Variants in LRFN1 observed in about 807,000 individuals in gnomAD.
The protein encoded by LRFN1 is leucine-rich repeat and fibronectin type III domain-containing protein 1.
In LRFN1, 20 loss-of-function variants were observed where a neutral mutation model predicts 31.8. That is an observed-to-expected ratio of 0.63 (90% confidence interval 0.44 to 0.91). LRFN1 has a LOEUF of 0.91. Among genes scored for constraint, LRFN1 ranks in the 40% least tolerant of loss-of-function variants. LRFN1 has a pLI of 0.00. For missense variants in LRFN1, 912 were observed against 1,129.8 expected (o/e 0.81, Z 2.76); for synonymous variants, 514 against 541.3 (o/e 0.95, Z 0.70).
intron 4 of LRFN1, among the ~76,000 whole-genome samples, chr19:39,311,470 A>T (rs191513913): frequency 2.4e-4 from 36 of 152,268 alleles, no homozygotes; most frequent in African/African-American, 8.7e-4. Flanking sequence ...GAGTCACAGA[A>T]GCTCAGAATT....
At chr19:39,320,742 C>G (rs2145041788) in intron 1 of LRFN1, 51 bp downstream of exon 1, 1 of 148,678 alleles carries the variant, frequency 6.7e-6, no homozygotes. Flanking sequence ...CACCCGCGCA[C>G]ACACCCGCGC....
At chr19:39,309,478 CAAAAAAAAAAAAAA>C (rs71169583) in intron 4 of LRFN1, among the ~76,000 whole-genome samples, 7 of 32,004 alleles carry the variant, frequency 2.2e-4, no homozygotes, top group Admixed American at 1.8e-3. Context: ...ACAAACAAAC[CAAAAAAAAAAAAAA>C]AAAAAAAAAA....
At position 39,314,058 on chromosome 19, in the gene LRFN1, G is replaced by T; in HGVS notation, c.1279C>A (p.Arg427=). The T allele has an allele frequency of 6.2e-7, 1 of 1,612,040 alleles. No individual in the cohort carries two copies. The part of the protein sequence containing the change: ...PGANDSAAER[R]LVAAELTSNS... ...GAGGTGAGCTCGGCTGCCACGAGCC[G>T]ACGCTCAGCCGCAGAATCGTTGGCA... Residue 427 remains arginine (R), a synonymous_variant, in exon 4 of 5, where the codon CGG becomes AGG. Transcript: ENST00000248668.
chr19:39,308,250 T>C lies in LRFN1; in HGVS notation c.1699A>G (p.Ser567Gly), dbSNP rs1294381517. Residue 567 changes from serine to glycine, a missense_variant, in exon 5 of 5, where the codon AGC becomes GGC. Coordinates refer to ENST00000248668, the MANE Select transcript of LRFN1 (RefSeq NM_020862.2). This position sits in a 1 kb window ranked among gnomAD's most constrained non-coding sequence, Gnocchi z 6.2. Reference sequence around the variant, plus strand: ...GACCTGGAGCCCTTGACGCGGCGGCTGTCCCCGTCGCCATACACCTTATAG... The same window carrying C: ...GACCTGGAGCCCTTGACGCGGCGGCCGTCCCCGTCGCCATACACCTTATAG... Reference protein sequence around the residue: ...IRYKVYGDGDSRRVKGSRSLP... With the variant: ...IRYKVYGDGDGRRVKGSRSLP... 4 of 1,612,466 alleles carry C rather than the reference T, an allele frequency of 2.5e-6. No individual in the cohort carries two copies. Among genetic ancestry groups the C allele is most frequent in the Admixed American group, 1.7e-5 (1 of 59,946 alleles).
intron 1 of LRFN1, among the ~76,000 whole-genome samples, chr19:39,319,699 AC>A (rs907958261): frequency 1.6e-4 from 24 of 151,766 alleles, no homozygotes; most frequent in African/African-American, 4.8e-4. Flanking sequence ...GCCCTGAGGC[AC>A]CCCCCCACCA....
intron 2 of LRFN1, 30 bp from the exon 3 acceptor site, chr19:39,316,166 C>T (rs1237430580): frequency 6.6e-6 from 1 of 152,192 alleles, no homozygotes; most frequent in East Asian, 1.9e-4. Context: ...ACAGGCCTTA[C>T]TTCTGTGAGG....
rs2075168904 is a variant in LRFN1, at chr19:39,315,403, G to A, written c.-37-30C>T. 2.2e-6 allele frequency: 3 copies of A among 1,370,238 alleles called. No individual in the cohort carries two copies. The highest frequency in any genetic ancestry group is 2.9e-5 in the African/African-American group (2 of 68,402). 84.9% of individuals were successfully genotyped at this position (1,370,238 alleles called of 1,614,324 possible). A position where few individuals can be genotyped will look rare whatever the true frequency, so the allele number is the denominator to read the frequency against. On this transcript the variant is annotated intron_variant, in intron 3 of 4. Transcript: ENST00000248668. This position sits in a 1 kb window ranked among gnomAD's most constrained non-coding sequence, Gnocchi z 4.7. ...CGGGGAAGGAGCCGGTTACCCAGGC[G>A]TGGGACTTGGCCGCCATGGGATGTC... is the stretch of plus-strand genomic sequence containing the variant.
intron 2 of LRFN1, among the ~76,000 whole-genome samples, chr19:39,316,789 G>A (rs1416918473): frequency 1.3e-5 from 2 of 152,174 alleles, no homozygotes; most frequent in African/African-American, 4.8e-5. Flanking sequence ...TGCGGCGGCT[G>A]CAGCCCACGA....
intron 2 of LRFN1, among the ~76,000 whole-genome samples, 161 bp from the exon 3 acceptor site, chr19:39,316,297 C>T (rs908142050): frequency 1.3e-5 from 2 of 152,192 alleles, no homozygotes; most frequent in East Asian, 3.8e-4. Flanking sequence ...AGGCATAGAA[C>T]AGTGCCCTAT....
At chr19:39,312,182 T>A (rs1022442504) in intron 4 of LRFN1, among the ~76,000 whole-genome samples, 1 of 151,956 alleles carries the variant, frequency 6.6e-6, no homozygotes, top group Non-Finnish European at 1.5e-5. Context: ...GAGGCATTTT[T>A]TTCATTCAAC....
At chr19:39,319,307 TAACA>T (rs991150315) in intron 1 of LRFN1, among the ~76,000 whole-genome samples, 28 of 151,936 alleles carry the variant, frequency 1.8e-4, no homozygotes, top group Admixed American at 1.3e-4. Flanking sequence ...CACACACATC[TAACA>T]AACACACACA....
intron 4 of LRFN1, among the ~76,000 whole-genome samples, chr19:39,312,912 C>T (rs117179787): frequency 1.4e-3 from 220 of 152,196 alleles, no homozygotes; most frequent in Non-Finnish European, 2.5e-3. Context: ...GCTATAAGCT[C>T]CCTGAGGACA....
At chr19:39,313,502 A>T (rs1028872256) in intron 4 of LRFN1, among the ~76,000 whole-genome samples, 2 of 152,244 alleles carry the variant, frequency 1.3e-5, no homozygotes, top group African/African-American at 4.8e-5. Flanking sequence ...ACTGCACTCC[A>T]GCCTGGGCAA....
rs371594150 is a variant in LRFN1, at chr19:39,308,437, C to G, written c.1512G>C (p.Leu504=). ...LAVYDDGATA[L]PATRVVGCVQ... is the part of the protein sequence containing the mutation. ...CACAGCCCACCACTCGCGTTGCCGG[C>G]AGCGCTGTGGCCCCGTCGTCGTAGA... Residue 504 remains leucine (L), a synonymous_variant, in exon 5 of 5, where the codon CTG becomes CTC. Coordinates refer to ENST00000248668, the MANE Select transcript of LRFN1 (RefSeq NM_020862.2). The surrounding 1 kb of genome is among the most constrained non-coding windows in gnomAD (Gnocchi z 6.2). The G allele has an allele frequency of 4.7e-5, 75 of 1,610,886 alleles. No individual in the cohort carries two copies. Among genetic ancestry groups the G allele is most frequent in the Non-Finnish European group, 6.2e-5 (73 of 1,179,564 alleles).
chr19:39,314,923 G>A lies in LRFN1; in HGVS notation c.414C>T (p.Asn138=), dbSNP rs1253733630. 1 of 1,607,478 alleles carries A rather than the reference G, an allele frequency of 6.2e-7. No individual in the cohort carries two copies. Among genetic ancestry groups the A allele is most frequent in the Non-Finnish European group, 8.5e-7 (1 of 1,177,994 alleles). Residue 138 remains asparagine, a synonymous_variant, in exon 4 of 5, where the codon AAC becomes AAT. Coordinates refer to ENST00000248668, the MANE Select transcript of LRFN1 (RefSeq NM_020862.2). ...TGTTTCCAAGGATCAGGTGGCGGAG[G>A]TTGCCCAGGCCGCGGAGCTGGTCGC... ...VRGDQLRGLG[N]LRHLILGNNQ... is the part of the protein sequence containing the mutation.
rs760136410 is a variant in LRFN1, at chr19:39,308,534, G to C, written c.1415C>G (p.Pro472Arg). 4.4e-6 allele frequency: 7 copies of C among 1,590,238 alleles called. No individual in the cohort carries two copies. The highest frequency in any genetic ancestry group is 1.7e-5 in the Admixed American group (1 of 59,504). The change falls in exon 5 of 5, where the codon CCG becomes CGG. Residue 472 changes from proline (P) to arginine (R), a missense_variant. By Grantham distance (103) the Pro-to-Arg change is moderately radical. Around this residue, in one of 2 missense-constraint regions of LRFN1, gnomAD observed 511 missense variants for 557.0 expected, o/e 0.92. Transcript: ENST00000248668. This position sits in a 1 kb window ranked among gnomAD's most constrained non-coding sequence, Gnocchi z 6.2. ...VDDSLVYRMI[P>R]STSQTFLVND... ...CACCAGGAAGGTCTGACTGGTGGAC[G>C]GGATCATCCTGTAGGAGGGGGCGGG...
In LRFN1 at chr19:39,314,041, C is replaced by A; in HGVS notation, c.1296G>T (p.Glu432Asp). 2 of 1,610,860 alleles carry A rather than the reference C, an allele frequency of 1.2e-6. No individual in the cohort carries two copies. The highest frequency in any genetic ancestry group is 1.7e-6 in the Non-Finnish European group (2 of 1,179,708). Residue 432 changes from glutamate (E) to aspartate (D), a missense_variant, in exon 4 of 5, where the codon GAG becomes GAT. Transcript: ENST00000248668. ...SAAERRLVAAELTSNSVLIRW... is the reference protein window; with the variant it reads ...SAAERRLVAADLTSNSVLIRW... Reference sequence around the variant, plus strand: ...GGATGAGCACGGAGTTCGAGGTGAGCTCGGCTGCCACGAGCCGACGCTCAG... The same window carrying A: ...GGATGAGCACGGAGTTCGAGGTGAGATCGGCTGCCACGAGCCGACGCTCAG...
chr19:39,311,972 C>T (rs944571554), intron 4 of LRFN1, among the ~76,000 whole-genome samples: 6 of 149,264 alleles, frequency 4.0e-5, no homozygotes, highest in South Asian at 2.1e-4. Flanking sequence ...CAGGTTCAAG[C>T]GATTCTCCTG....
At chr19:39,320,447 G>A (rs956479649) in intron 1 of LRFN1, among the ~76,000 whole-genome samples, 116 of 151,876 alleles carry the variant, frequency 7.6e-4, no homozygotes, top group Non-Finnish European at 1.5e-3. Context: ...CATGGGCTTG[G>A]GGGGGACCCA....
Sources: allele counts gnomAD v4.1 joint callset (sites outside exome capture counted in the v4.1 genomes callset), GRCh38; gene constraint gnomAD v4.1.1; regional missense constraint gnomAD v4.1.1; non-coding constraint Gnocchi (gnomAD v3.1); transcripts MANE v1.5; gene names NCBI Gene and HGNC (gene_info 2026-07-23, HGNC 2026-07-21).